The following ACOX3 variants were observed in gnomAD, a reference collection of about 807,000 sequenced individuals.
ACOX3 encodes the protein acyl-CoA oxidase 3, pristanoyl.
ACOX3 carries 73 observed loss-of-function variants against 81.5 expected under a neutral mutation model. That is an observed-to-expected ratio of 0.90 (90% CI 0.74 to 1.09). The LOEUF is 1.09. ACOX3 is among the 50% of genes least tolerant of loss of function. ACOX3 has a pLI of 0.00. For missense variants in ACOX3, 947 were observed against 928.0 expected, an observed-to-expected ratio of 1.02 and a Z score of -0.27; for synonymous variants, 387 against 375.1, an observed-to-expected ratio of 1.03 and a Z score of -0.37.
chr4:8,362,072 G>T (rs1715242247), downstream of ACOX3, among the ~76,000 whole-genome samples: 1 of 152,124 alleles, frequency 6.6e-6, no homozygotes, highest in Admixed American at 6.6e-5. Context: ...ACAGACAATT[G>T]TTATCTTGTT....
rs146015885 is a variant in ACOX3 at position 8,437,822 on chromosome 4, T to C, written c.-15+2826A>G. Among the ~76,000 whole-genome samples the C allele has an allele frequency of 2.6e-5, 4 of 152,326 alleles. No individual in the cohort carries two copies. The highest frequency in any genetic ancestry group is 9.6e-5 in the African/African-American group (4 of 41,574). ...GCTGCCGCACCTTGGAGGAACCAAATACTGATCTGATCAGGCTGGCAGGAG... is the reference window on the plus strand; with the variant it reads ...GCTGCCGCACCTTGGAGGAACCAAACACTGATCTGATCAGGCTGGCAGGAG... On this transcript the variant is annotated intron_variant, in intron 1 of 17. Coordinates refer to ENST00000356406, the MANE Select transcript of ACOX3 (RefSeq NM_003501.3). This position sits in a 1 kb window ranked among gnomAD's most constrained non-coding sequence, Gnocchi z 5.2.
At chr4:8,376,059 G>A (rs1716924555) in intron 14 of ACOX3, among the ~76,000 whole-genome samples, 1 of 152,170 alleles carries the variant, frequency 6.6e-6, no homozygotes, top group Admixed American at 6.5e-5. Flanking sequence ...TCAAGGGGAA[G>A]GGCAACTCTT....
At chr4:8,377,453 G>A (rs1717112161) in intron 14 of ACOX3, among the ~76,000 whole-genome samples, 1 of 148,114 alleles carries the variant, frequency 6.8e-6, no homozygotes, top group African/African-American at 2.6e-5. Context: ...GAAACACAGC[G>A]TCACTCGGCT....
At chr4:8,356,582 G>C in the ACOX3 span, 3,398 of 456,718 alleles carry the variant, frequency 7.4e-3, 108 homozygotes, top group African/African-American at 0.061. Context: ...CGTACACAGA[G>C]GAAGAAAGTG....
the ACOX3 span, chr4:8,356,319 C>T: frequency 2.8e-6 from 1 of 358,026 alleles, no homozygotes; most frequent in African/African-American, 2.1e-5. Context: ...CTGCCTCCCA[C>T]ACTGCTGGTA....
chr4:8,392,269 C>T (rs1719084496), intron 11 of ACOX3, 64 bp downstream of exon 11: 1 of 1,378,374 alleles, frequency 7.3e-7, no homozygotes, highest in Non-Finnish European at 9.5e-7. Flanking sequence ...CTGCCGACCC[C>T]TGGTCTAGAG....
Position 8,430,803 on chromosome 4 carries a change from C to A in ACOX3, c.-15+9845G>T, listed in dbSNP as rs773251701. ...CGCAGGAGGTAGAGGTTGCAGTGAGCCAAGGTAGCACCATTGCACTCCAGC... is the reference window on the plus strand; with the variant it reads ...CGCAGGAGGTAGAGGTTGCAGTGAGACAAGGTAGCACCATTGCACTCCAGC... On this transcript the variant is annotated intron_variant, in intron 1 of 17. Transcript: ENST00000356406. The surrounding 1 kb of genome is among the most constrained non-coding windows in gnomAD (Gnocchi z 5.2). Among the ~76,000 whole-genome samples, 1 of 152,132 alleles carries A rather than the reference C, an allele frequency of 6.6e-6. No homozygotes were observed. Among genetic ancestry groups the A allele is most frequent in the Non-Finnish European group, 1.5e-5 (1 of 68,024 alleles).
chr4:8,397,092 G>A lies in ACOX3; in HGVS notation c.901C>T (p.Leu301=). The change falls in exon 9 of 18, where the codon CTG becomes TTG. Residue 301 remains leucine (L), a synonymous_variant. Coordinates refer to ENST00000356406, the MANE Select transcript of ACOX3 (RefSeq NM_003501.3). The part of the protein sequence containing the change: ...KDVRQRFGAS[L]GSLSSGRVSI... ...ACCCGGCCCGAGGACAGGCTCCCCAGGGACGCTCCAAAGCGCTGCCTGACG... is the reference window on the plus strand; with the variant it reads ...ACCCGGCCCGAGGACAGGCTCCCCAAGGACGCTCCAAAGCGCTGCCTGACG... 1 of 1,582,902 alleles carries A rather than the reference G, an allele frequency of 6.3e-7. No individual in the cohort carries two copies. Among genetic ancestry groups the A allele is most frequent in the African/African-American group, 1.4e-5 (1 of 73,108 alleles).
intron 1 of ACOX3, among the ~76,000 whole-genome samples, chr4:8,440,176 T>TA (rs1724526570): frequency 6.6e-6 from 1 of 152,256 alleles, no homozygotes; most frequent in Non-Finnish European, 1.5e-5. Flanking sequence ...CGTGGACCCT[T>TA]AAAGTCGTAA....
chr4:8,435,459 G>T (rs541475718), intron 1 of ACOX3, among the ~76,000 whole-genome samples: 2 of 151,970 alleles, frequency 1.3e-5, no homozygotes, highest in East Asian at 3.9e-4. Context: ...TTGTGCCACT[G>T]CACTCCAGCC....
rs537360920 is a variant in ACOX3 at position 8,386,426 on chromosome 4, T to C, written c.1537+2747A>G. Among the ~76,000 whole-genome samples, 6 of 151,084 alleles carry C rather than the reference T, an allele frequency of 4.0e-5. No homozygotes were observed. The highest frequency in any genetic ancestry group is 4.2e-4 in the South Asian group (2 of 4,758). On this transcript the variant is annotated intron_variant, in intron 13 of 17. Transcript: ENST00000356406. The surrounding 1 kb of genome is among the most constrained non-coding windows in gnomAD (Gnocchi z 5.2). The stretch of plus-strand genomic sequence containing the variant: ...CTAAAAATACAAAAAATTAGCCGGG[T>C]GTGGTTGTGGGCTCCTGTAGTCCCA...
At chr4:8,390,529 T>A (rs1718866293) in intron 11 of ACOX3, among the ~76,000 whole-genome samples, 1 of 152,240 alleles carries the variant, frequency 6.6e-6, no homozygotes, top group South Asian at 2.1e-4. Context: ...CTTCCGTCCA[T>A]AACTGAATGA....
chr4:8,393,637 G>GCACACA (rs10576121), intron 10 of ACOX3, among the ~76,000 whole-genome samples: 2,293 of 144,576 alleles, frequency 0.016, 58 homozygotes, highest in African/African-American at 0.053. Context: ...ACACACACAC[G>GCACACA]CACACACACA....
Position 8,381,367 on chromosome 4 carries a change from C to T in ACOX3, c.1653+125G>A. On this transcript the variant is annotated intron_variant, in intron 14 of 17. Coordinates refer to ENST00000356406, the MANE Select transcript of ACOX3 (RefSeq NM_003501.3). The surrounding 1 kb of genome is among the most constrained non-coding windows in gnomAD (Gnocchi z 4.3). ...AGCAGCAAAGTCATCAAGTCATCTG[C>T]CCAAGGTCACGGGAGCTCGGGGTCT... 3 of 783,104 alleles carry T rather than the reference C, an allele frequency of 3.8e-6. No individual in the cohort carries two copies. Among genetic ancestry groups the T allele is most frequent in the Admixed American group, 2.2e-5 (1 of 46,312 alleles). The allele number at this position is 783,104 out of a possible 1,614,324, so 48.5% of individuals were successfully genotyped here.
intron 13 of ACOX3, among the ~76,000 whole-genome samples, chr4:8,388,823 C>G (rs1318381380): frequency 6.6e-6 from 1 of 152,182 alleles, no homozygotes; most frequent in East Asian, 1.9e-4. Context: ...GGCCCAGGGA[C>G]AGCAGCAGCC....
chr4:8,395,703 T>C (rs1719618241), intron 9 of ACOX3, among the ~76,000 whole-genome samples: 1 of 150,664 alleles, frequency 6.6e-6, no homozygotes, highest in African/African-American at 2.5e-5. Context: ...CCCAGTGCGC[T>C]CTCTTGACCG....
the ACOX3 span, among the ~76,000 whole-genome samples, chr4:8,360,427 T>C: frequency 6.6e-6 from 1 of 152,074 alleles, no homozygotes; most frequent in South Asian, 2.1e-4. Flanking sequence ...GCAGGTGAGA[T>C]ATTAAGTTTG....
intron 7 of ACOX3, among the ~76,000 whole-genome samples, chr4:8,403,492 T>C (rs1399249566): frequency 6.6e-6 from 1 of 152,180 alleles, no homozygotes; most frequent in African/African-American, 2.4e-5. Context: ...GGATCAAAGA[T>C]GGACGAATCC....
At position 8,419,205 on chromosome 4, in the gene ACOX3, A is replaced by C. The variant is rs570932553; in HGVS notation, c.-14-2670T>G. Among the ~76,000 whole-genome samples, 2 of 152,150 alleles carry C rather than the reference A, an allele frequency of 1.3e-5. No individual in the cohort carries two copies. The highest frequency in any genetic ancestry group is 2.4e-5 in the African/African-American group (1 of 41,506). ...AATCCCAGCACTTTGGGAGGCCCAGACAGGTGGATCATGAGGTCAGGAATT... is the reference window on the plus strand; with the variant it reads ...AATCCCAGCACTTTGGGAGGCCCAGCCAGGTGGATCATGAGGTCAGGAATT... On this transcript the variant is annotated intron_variant, in intron 1 of 17. Coordinates refer to ENST00000356406, the MANE Select transcript of ACOX3 (RefSeq NM_003501.3). The surrounding 1 kb of genome is among the most constrained non-coding windows in gnomAD (Gnocchi z 4.2).
Sources: gnomAD v4.1 joint callset for allele counts (sites outside exome capture counted in the v4.1 genomes callset) on GRCh38, gnomAD v4.1.1 for gene constraint, Gnocchi (gnomAD v3.1) non-coding constraint, MANE v1.5 for transcripts, NCBI Gene and HGNC (gene_info 2026-07-23, HGNC 2026-07-21) for gene names.